MMP28: variants seen among roughly 807,000 people sequenced by gnomAD.
The protein encoded by MMP28 is matrix metalloproteinase-28.
MMP28 carries 55 observed loss-of-function variants against 60.5 expected under a neutral mutation model. The ratio of observed to expected loss-of-function variants is 0.91; its 90% CI spans 0.73 to 1.14. The LOEUF (loss-of-function observed/expected upper bound fraction) is 1.14. Ranked by LOEUF, MMP28 falls within the 50% of genes most tolerant of loss-of-function variation. The pLI, the probability that MMP28 is intolerant of heterozygous loss-of-function variation, is 0.00. For missense variants in MMP28, 686 were observed against 738.3 expected, an observed-to-expected ratio of 0.93 and a Z score of 0.82; for synonymous variants, 318 against 312.5, an observed-to-expected ratio of 1.02 and a Z score of -0.18.
At position 35,768,345 on chromosome 17, in the gene MMP28, G is replaced by A. The variant is rs2086010332; in HGVS notation, c.885C>T (p.Leu295=). ...CAAAGTCAGTGAACAGCTTTCCTGG[G>A]AGCTGGACGGCCACTGAGCCCCCTA... is the stretch of plus-strand genomic sequence containing the variant. ...KPLGGSVAVQ[L]PGKLFTDFET... Residue 295 remains leucine, a synonymous_variant, in exon 6 of 8, where the codon CTC becomes CTT. Transcript: ENST00000605424. 1 of 1,612,130 alleles carries A rather than the reference G, an allele frequency of 6.2e-7. No individual in the cohort carries two copies. Among genetic ancestry groups the A allele is most frequent in the East Asian group, 2.2e-5 (1 of 44,876 alleles).
chr17:35,790,276 G>A (rs1268662586), intron 1 of MMP28, among the ~76,000 whole-genome samples: 2 of 151,832 alleles, frequency 1.3e-5, no homozygotes, highest in African/African-American at 2.4e-5. Flanking sequence ...TGTTGGTCAG[G>A]CTGGTCTCCA....
chr17:35,761,330 C>T (rs146379675), downstream of MMP28, among the ~76,000 whole-genome samples: 995 of 151,750 alleles, frequency 6.6e-3, 16 homozygotes, highest in African/African-American at 0.021. Context: ...AGGCTGGTCG[C>T]GAACTCCTGA....
intron 3 of MMP28, among the ~76,000 whole-genome samples, chr17:35,774,766 G>A (rs750273373): frequency 2.0e-5 from 3 of 152,186 alleles, no homozygotes; most frequent in South Asian, 2.1e-4. Context: ...AACCCTTAAC[G>A]AGGAGAGAGG....
At chr17:35,764,946 G>A, downstream of MMP28, 1 of 179,956 alleles carries the variant, frequency 5.6e-6, no homozygotes, top group Non-Finnish European at 1.2e-5. Flanking sequence ...TCACCTCTTG[G>A]GTATTTCAGA....
intron 1 of MMP28, among the ~76,000 whole-genome samples, chr17:35,793,726 G>T (rs1171371241): frequency 6.6e-6 from 1 of 152,180 alleles, no homozygotes; most frequent in Non-Finnish European, 1.5e-5. Flanking sequence ...CTCTCAACGG[G>T]CAGTTTGAGG....
chr17:35,786,118 A>G (rs2086641972), intron 1 of MMP28, among the ~76,000 whole-genome samples: 1 of 149,294 alleles, frequency 6.7e-6, no homozygotes, highest in South Asian at 2.1e-4. Context: ...GTGCAATGGC[A>G]CGATCTCAGC....
chr17:35,766,482 T>G lies in MMP28; in HGVS notation c.*18A>C. ...TTGCCCTGAGAGCACCACCAGTTTC[T>G]GAGGTGAGGAGGTGCCTTCAGAACA... On this transcript the variant is annotated 3_prime_UTR_variant, in exon 8 of 8. Transcript: ENST00000605424. The surrounding 1 kb of genome is among the most constrained non-coding windows in gnomAD (Gnocchi z 4.3). 6.4e-7 allele frequency: 1 copy of G among 1,561,074 alleles called. No homozygotes were observed.
chr17:35,765,483 T>C (rs1217980515), downstream of MMP28, among the ~76,000 whole-genome samples: 1 of 152,222 alleles, frequency 6.6e-6, no homozygotes, highest in African/African-American at 2.4e-5. Flanking sequence ...ATCCCAGCTA[T>C]TCTTGGCCAG....
chr17:35,766,742 G>A lies in MMP28; in HGVS notation c.1321C>T (p.Leu441=). The A allele has an allele frequency of 6.3e-7, 1 of 1,587,808 alleles. No homozygotes were observed. The change falls in exon 8 of 8, where the codon CTG becomes TTG. Residue 441 remains leucine (L), a synonymous_variant. Transcript: ENST00000605424. The surrounding 1 kb of genome is among the most constrained non-coding windows in gnomAD (Gnocchi z 4.3). The part of the protein sequence containing the change: ...ILFKGARYYV[L]ARGGLQVEPY... ...TCCACTTGCAGTCCCCCTCGGGCCA[G>A]CACGTAGTAGCGGGCACCCTTGAAG... is the stretch of plus-strand genomic sequence containing the variant.
chr17:35,763,168 C>A (rs1260155527), downstream of MMP28, among the ~76,000 whole-genome samples: 4 of 151,872 alleles, frequency 2.6e-5, no homozygotes, highest in Admixed American at 6.6e-5. Flanking sequence ...GGAGGCGGCT[C>A]GTGGCTGTGA....
rs75843649 is a variant in MMP28 at position 35,767,106 on chromosome 17, G to T, written c.1169-212C>A. The T allele has an allele frequency of 2.8e-3, 1,984 of 709,440 alleles. 31 individuals carry two copies. In the African/African-American group the frequency reaches 0.03, roughly 11 times the overall value. 43.9% of individuals were successfully genotyped at this position (709,440 alleles called of 1,614,324 possible). A position where few individuals can be genotyped will look rare whatever the true frequency, so the allele number is the denominator to read the frequency against. On this transcript the variant is annotated intron_variant, in intron 7 of 7. Coordinates refer to ENST00000605424, the MANE Select transcript of MMP28 (RefSeq NM_024302.5). ...TATTTATTGTCTAGACTCCCAGCAG[G>T]TGTCAGCAGAGGGCAGATAGCCCCG...
chr17:35,772,694 CA>C (rs1206049480), intron 4 of MMP28, among the ~76,000 whole-genome samples: 1 of 152,218 alleles, frequency 6.6e-6, no homozygotes, highest in Admixed American at 6.5e-5. Context: ...TGGGGACAAA[CA>C]GAACTATCTG....
intron 3 of MMP28, 103 bp from the exon 4 acceptor site, chr17:35,773,507 C>A: frequency 9.7e-7 from 1 of 1,034,796 alleles, no homozygotes; most frequent in Non-Finnish European, 1.4e-6. Flanking sequence ...CCCCAGCAGC[C>A]CCTCGTCTGA....
chr17:35,785,506 G>A (rs2086620781), intron 1 of MMP28, among the ~76,000 whole-genome samples: 1 of 152,086 alleles, frequency 6.6e-6, no homozygotes, highest in Non-Finnish European at 1.5e-5. Flanking sequence ...GGAGTGCAGT[G>A]GCGAGATCTC....
chr17:35,776,176 T>C (rs2086323371), intron 3 of MMP28, among the ~76,000 whole-genome samples: 1 of 149,568 alleles, frequency 6.7e-6, no homozygotes, highest in African/African-American at 2.5e-5. Context: ...GCCCAGGCTT[T>C]TTCTTTTTTT....
intron 5 of MMP28, among the ~76,000 whole-genome samples, chr17:35,769,115 C>G (rs1264889956): frequency 6.6e-6 from 1 of 152,180 alleles, no homozygotes; most frequent in East Asian, 1.9e-4. Flanking sequence ...TTATTTGGTA[C>G]CATCACCTGA....
Position 35,766,108 on chromosome 17 carries a change from G to A in MMP28, c.*392C>T, listed in dbSNP as rs2085930428. 25 of 1,007,892 alleles carry A rather than the reference G, an allele frequency of 2.5e-5. No homozygotes were observed. The South Asian group carries it at 7.7e-4, about 31-fold the overall frequency. The allele number at this position is 1,007,892 out of a possible 1,614,324, so 62.4% of individuals were successfully genotyped here. On this transcript the variant is annotated 3_prime_UTR_variant, in exon 8 of 8. Transcript: ENST00000605424. This position sits in a 1 kb window ranked among gnomAD's most constrained non-coding sequence, Gnocchi z 4.3. ...AGGGGGTCCTGAGGAGAAGGGCACA[G>A]TCTTGCAAAATGGTCTCGAATTTCT...
chr17:35,777,755 TTA>T (rs1311554940), intron 3 of MMP28, among the ~76,000 whole-genome samples: 1 of 152,266 alleles, frequency 6.6e-6, no homozygotes, highest in Non-Finnish European at 1.5e-5. Context: ...GTTGTTAATA[TTA>T]TGCACGGTAG....
chr17:35,777,843 C>A (rs1555607984), intron 3 of MMP28, among the ~76,000 whole-genome samples: 1 of 152,232 alleles, frequency 6.6e-6, no homozygotes, highest in Non-Finnish European at 1.5e-5. Flanking sequence ...GCCTGGCCAA[C>A]ATGGCAAAAC....
Sources: gnomAD v4.1 joint callset for allele counts (sites outside exome capture counted in the v4.1 genomes callset) on GRCh38, gnomAD v4.1.1 for gene constraint, Gnocchi (gnomAD v3.1) non-coding constraint, MANE v1.5 for transcripts, NCBI Gene and HGNC (gene_info 2026-07-23, HGNC 2026-07-21) for gene names.